The following ST8SIA5 variants were observed in gnomAD, a reference collection of about 807,000 sequenced individuals.
ST8SIA5 encodes ST8 alpha-N-acetyl-neuraminide alpha-2,8-sialyltransferase 5.
A neutral mutation model predicts 40.2 loss-of-function variants in ST8SIA5; 24 were observed. That is an observed-to-expected ratio of 0.60 (90% CI 0.43 to 0.84). The LOEUF is 0.84. Among genes scored for constraint, ST8SIA5 ranks in the 40% least tolerant of loss-of-function variants. The probability of loss-of-function intolerance (pLI) is 0.00; values close to 1 mark genes in which losing one functional copy is unlikely to be tolerated. For synonymous variants in ST8SIA5, 198 were observed against 201.8 expected (o/e 0.98, Z 0.16); for missense variants, 465 against 498.5 (o/e 0.93, Z 0.64).
In ST8SIA5 at chr18:46,681,990, G is replaced by T; in HGVS notation, c.644C>A (p.Pro215His). 6.2e-7 allele frequency: 1 copy of T among 1,614,032 alleles called. No homozygotes were observed. The highest frequency in any genetic ancestry group is 1.1e-5 in the South Asian group (1 of 91,038). Residue 215 changes from proline to histidine, a missense_variant, in exon 6 of 7, where the codon CCC becomes CAC. Pro to His is a moderately conservative substitution (Grantham distance 77, BLOSUM62 -2). Coordinates refer to ENST00000315087, the MANE Select transcript of ST8SIA5 (RefSeq NM_013305.6). Reference protein sequence around the residue: ...GVKTDVVTVNPSIITERFHKL... With the variant: ...GVKTDVVTVNHSIITERFHKL... ...CACTGACCTCTCTGTGATGATGCTG[G>T]GGTTCACAGTGACCACATCCGTCTT... is the stretch of plus-strand genomic sequence containing the variant.
At chr18:46,710,362 CTTTT>C (rs1568262924) in intron 1 of ST8SIA5, among the ~76,000 whole-genome samples, 5 of 91,852 alleles carry the variant, frequency 5.4e-5, no homozygotes, top group Non-Finnish European at 9.8e-5. Flanking sequence ...TTCCTTCTTT[CTTTT>C]CTTTCTTTCT....
chr18:46,692,329 C>A, intron 2 of ST8SIA5, 74 bp from the exon 3 acceptor site: 1 of 1,379,488 alleles, frequency 7.2e-7, no homozygotes, highest in African/African-American at 1.4e-5. Flanking sequence ...AGAAATGCTC[C>A]CTCCTGATCT....
chr18:46,736,961 C>T (rs562967202), intron 1 of ST8SIA5, among the ~76,000 whole-genome samples: 1 of 152,256 alleles, frequency 6.6e-6, no homozygotes, highest in South Asian at 2.1e-4. Flanking sequence ...GCCAGCAAAG[C>T]CCAGCCTGAG....
intron 1 of ST8SIA5, among the ~76,000 whole-genome samples, chr18:46,743,882 A>G (rs983196449): frequency 2.0e-5 from 3 of 152,248 alleles, no homozygotes; most frequent in Non-Finnish European, 4.4e-5. Flanking sequence ...GAAACCCTAC[A>G]AGCCAGAAGA....
chr18:46,726,048 T>C lies in ST8SIA5; in HGVS notation c.132-21384A>G, dbSNP rs2039926223. Among the ~76,000 whole-genome samples, 4 of 125,480 alleles carry C rather than the reference T, an allele frequency of 3.2e-5. No homozygotes were observed. In the South Asian group the frequency reaches 1.1e-3, roughly 33 times the overall value. 82.3% of individuals were successfully genotyped at this position (125,480 alleles called of 152,430 possible). On this transcript the variant is annotated intron_variant, in intron 1 of 6. Coordinates refer to ENST00000315087, the MANE Select transcript of ST8SIA5 (RefSeq NM_013305.6). Reference sequence around the variant, plus strand: ...TATATATCCTGGATATATATATATATCCAGGAATGGTGGTGCACACCTGTA... The same window carrying C: ...TATATATCCTGGATATATATATATACCCAGGAATGGTGGTGCACACCTGTA...
intron 1 of ST8SIA5, among the ~76,000 whole-genome samples, chr18:46,735,747 G>A (rs2040027620): frequency 2.0e-5 from 3 of 151,990 alleles, no homozygotes; most frequent in South Asian, 4.2e-4. Context: ...TGAGTAGCCA[G>A]GACTACAGGC....
intron 4 of ST8SIA5, 83 bp downstream of exon 4, chr18:46,688,692 A>G (rs928456052): frequency 6.6e-7 from 1 of 1,517,598 alleles, no homozygotes. Context: ...GAGTCAGGCA[A>G]AACCCCAGGG....
chr18:46,715,049 T>C (rs1021337298), intron 1 of ST8SIA5, among the ~76,000 whole-genome samples: 1 of 152,198 alleles, frequency 6.6e-6, no homozygotes, highest in Non-Finnish European at 1.5e-5. Context: ...CACATCAGGT[T>C]CATGGGACCA....
At chr18:46,713,050 G>A (rs1252294025) in intron 1 of ST8SIA5, among the ~76,000 whole-genome samples, 1 of 152,208 alleles carries the variant, frequency 6.6e-6, no homozygotes, top group Non-Finnish European at 1.5e-5. Context: ...GGTGAGCAAA[G>A]CCAAGTCAAG....
rs2040257351 is a variant in ST8SIA5 at position 46,756,942 on chromosome 18, C to A, written c.-434G>T. ...CGCGCCGCGCATCGACCCCTCCAGTCCGGCGCCGGATCGCGGTTGCCCAGC... is the reference window on the plus strand; with the variant it reads ...CGCGCCGCGCATCGACCCCTCCAGTACGGCGCCGGATCGCGGTTGCCCAGC... On this transcript the variant is annotated 5_prime_UTR_variant, in exon 1 of 7. Transcript: ENST00000315087. 1.2e-5 allele frequency: 2 copies of A among 170,074 alleles called. No individual in the cohort carries two copies. Among genetic ancestry groups the A allele is most frequent in the Non-Finnish European group, 2.5e-5 (2 of 80,906 alleles). The allele number at this position is 170,074 out of a possible 1,614,324, so 10.5% of individuals were successfully genotyped here. A position where few individuals can be genotyped will look rare whatever the true frequency, so the allele number is the denominator to read the frequency against.
chr18:46,719,860 A>C (rs2039843224), intron 1 of ST8SIA5, among the ~76,000 whole-genome samples: 1 of 95,064 alleles, frequency 1.1e-5, no homozygotes, highest in African/African-American at 4.0e-5. Flanking sequence ...CTTTTTTTTG[A>C]CAGGGTTTCA....
chr18:46,699,601 G>A (rs1027035571), intron 2 of ST8SIA5, among the ~76,000 whole-genome samples: 5 of 152,094 alleles, frequency 3.3e-5, no homozygotes, highest in Non-Finnish European at 5.9e-5. Flanking sequence ...GAATGGTCTC[G>A]ATCTCCTGAC....
intron 4 of ST8SIA5, 121 bp downstream of exon 4, chr18:46,688,654 A>C: frequency 7.6e-7 from 1 of 1,317,970 alleles, no homozygotes; most frequent in South Asian, 1.5e-5. Flanking sequence ...ACCAGGACCA[A>C]GACAACTGAG....
chr18:46,683,187 A>G (rs972396962), intron 5 of ST8SIA5, among the ~76,000 whole-genome samples: 2 of 152,152 alleles, frequency 1.3e-5, no homozygotes, highest in Non-Finnish European at 2.9e-5. Context: ...CTTCAGGGGG[A>G]AACGGAGGTA....
intron 1 of ST8SIA5, among the ~76,000 whole-genome samples, chr18:46,739,662 A>G (rs919197481): frequency 6.6e-6 from 1 of 152,184 alleles, no homozygotes; most frequent in African/African-American, 2.4e-5. Context: ...TCTATTTCCA[A>G]CAAAGTGGCC....
At chr18:46,691,887 A>G in intron 3 of ST8SIA5, 1 of 444,418 alleles carries the variant, frequency 2.3e-6, no homozygotes, top group South Asian at 2.3e-5. Flanking sequence ...TAATAGCTTC[A>G]GTGAACCTCA....
At chr18:46,690,265 G>A (rs113821758) in intron 3 of ST8SIA5, among the ~76,000 whole-genome samples, 3,025 of 152,238 alleles carry the variant, frequency 0.02, 94 homozygotes, top group African/African-American at 0.069. Context: ...CCTGTAATTC[G>A]AAAGCTCATG....
chr18:46,756,093 T>C (rs1447021736), intron 1 of ST8SIA5, among the ~76,000 whole-genome samples: 1 of 152,266 alleles, frequency 6.6e-6, no homozygotes, highest in African/African-American at 2.4e-5. Context: ...TCTCCGGGTA[T>C]TAAATGGATT....
At chr18:46,718,398 A>T (rs1198590868) in intron 1 of ST8SIA5, among the ~76,000 whole-genome samples, 1 of 151,906 alleles carries the variant, frequency 6.6e-6, no homozygotes, top group Non-Finnish European at 1.5e-5. Flanking sequence ...AAGGATGCTT[A>T]TTGGACAACA....
Sources: allele counts gnomAD v4.1 joint callset (sites outside exome capture counted in the v4.1 genomes callset), GRCh38; gene constraint gnomAD v4.1.1; transcripts MANE v1.5; gene names NCBI Gene and HGNC (gene_info 2026-07-23, HGNC 2026-07-21).